The following IGDCC4 variants were observed in gnomAD, a reference collection of about 807,000 sequenced individuals.
IGDCC4 encodes the protein immunoglobulin superfamily DCC subclass member 4, also known as likely ortholog of mouse neighbor of Punc E11.
A neutral mutation model predicts 116.6 loss-of-function variants in IGDCC4; 72 were observed. The ratio of observed to expected loss-of-function variants is 0.62; its 90% CI spans 0.51 to 0.75. The LOEUF (loss-of-function observed/expected upper bound fraction) is 0.75, where lower values mean the gene tolerates loss of function less well. IGDCC4 is among the 30% of genes least tolerant of loss of function. IGDCC4 has a pLI of 0.00. For missense variants in IGDCC4, 1,501 were observed against 1,662.4 expected (o/e 0.90, Z 1.69); for synonymous variants, 709 against 719.9 (o/e 0.98, Z 0.24).
In IGDCC4 at chr15:65,400,928, C is replaced by T; in HGVS notation, c.719G>A (p.Arg240Lys). Residue 240 changes from arginine (R) to lysine (K), a missense_variant, in exon 5 of 20, where the codon AGG (arginine) becomes AAG (lysine). Coordinates refer to ENST00000352385, the MANE Select transcript of IGDCC4 (RefSeq NM_020962.3). Reference protein sequence around the residue: ...VAHRGSLASTRGQDVVIVAAP... With the variant: ...VAHRGSLASTKGQDVVIVAAP... ...TGCCACAATGACCACGTCCTGCCCC[C>T]TGGTGGACGCCAGGGACCCTGGCGA... 6.2e-7 allele frequency: 1 copy of T among 1,614,158 alleles called. No individual in the cohort carries two copies. The highest frequency in any genetic ancestry group is 8.5e-7 in the Non-Finnish European group (1 of 1,180,028).
intron 3 of IGDCC4, among the ~76,000 whole-genome samples, chr15:65,409,214 T>G (rs1168556400): frequency 6.6e-6 from 1 of 152,032 alleles, no homozygotes; most frequent in Non-Finnish European, 1.5e-5. Context: ...AAGTTTCTCC[T>G]ACAACCCCCA....
chr15:65,398,688 G>T (rs961528529), intron 5 of IGDCC4, among the ~76,000 whole-genome samples: 2 of 152,044 alleles, frequency 1.3e-5, no homozygotes, highest in Non-Finnish European at 2.9e-5. Flanking sequence ...TCAGGAGATG[G>T]AGACCATCCT....
At chr15:65,408,545 A>T (rs1406768510) in intron 3 of IGDCC4, among the ~76,000 whole-genome samples, 1 of 152,230 alleles carries the variant, frequency 6.6e-6, no homozygotes, top group Non-Finnish European at 1.5e-5. Context: ...GCTTCGTTAA[A>T]CAAGGTCAAC....
chr15:65,388,360 G>A, intron 16 of IGDCC4, 89 bp downstream of exon 16: 1 of 1,560,754 alleles, frequency 6.4e-7, no homozygotes. Context: ...CTGGAGGACA[G>A]CTGTGCAAAA....
At chr15:65,415,441 C>G (rs1388968344) in intron 1 of IGDCC4, among the ~76,000 whole-genome samples, 1 of 152,182 alleles carries the variant, frequency 6.6e-6, no homozygotes, top group Non-Finnish European at 1.5e-5. Context: ...ATTCATGGAT[C>G]AGCAGATGTC....
chr15:65,410,695 CT>C (rs2063082802), intron 2 of IGDCC4: 1 of 470,570 alleles, frequency 2.1e-6, no homozygotes, highest in Non-Finnish European at 3.8e-6. Context: ...CAGGAGCTCC[CT>C]TAGGAGGCAG....
intron 1 of IGDCC4, among the ~76,000 whole-genome samples, chr15:65,421,953 C>T (rs922853736): frequency 2.0e-5 from 3 of 152,112 alleles, no homozygotes; most frequent in Non-Finnish European, 4.4e-5. Flanking sequence ...TACCCCGTAC[C>T]CACTCCGCAC....
intron 12 of IGDCC4, 123 bp from the exon 13 acceptor site, chr15:65,390,461 G>T: frequency 2.8e-6 from 2 of 722,484 alleles, no homozygotes; most frequent in Non-Finnish European, 4.1e-6. Flanking sequence ...TGAGTTGAGT[G>T]GCATCATTCC....
chr15:65,422,405 C>A (rs1270614185), intron 1 of IGDCC4, among the ~76,000 whole-genome samples: 4 of 151,986 alleles, frequency 2.6e-5, no homozygotes, highest in Non-Finnish European at 5.9e-5. Context: ...ACCCAAGACA[C>A]GCGCAGGCAA....
rs1413356680 is a variant in IGDCC4 at position 65,393,457 on chromosome 15, A to G, written c.1789T>C (p.Tyr597His). The G allele has an allele frequency of 6.2e-7, 1 of 1,613,642 alleles. No individual in the cohort carries two copies. Among genetic ancestry groups the G allele is most frequent in the Non-Finnish European group, 8.5e-7 (1 of 1,179,762 alleles). The change falls in exon 10 of 20, where the codon TAT (tyrosine) becomes CAT (histidine). Residue 597 changes from tyrosine to histidine, a missense_variant. Tyr to His is a moderately conservative substitution (Grantham distance 83). Around this residue, in one of 3 missense-constraint regions of IGDCC4, gnomAD observed 898 missense variants for 978.9 expected, o/e 0.92. Coordinates refer to ENST00000352385, the MANE Select transcript of IGDCC4 (RefSeq NM_020962.3). This position sits in a 1 kb window ranked among gnomAD's most constrained non-coding sequence, Gnocchi z 4.6. ...GTACCAGCCGAAATCCGTACTCGATACACCTTGTTTGGCTGAAGCGAGTTC... is the reference window on the plus strand; with the variant it reads ...GTACCAGCCGAAATCCGTACTCGATGCACCTTGTTTGGCTGAAGCGAGTTC... The part of the protein sequence containing the change: ...MLNSLQPNKV[Y>H]RVRISAGTAA...
rs1452469732 is a variant in IGDCC4, at chr15:65,382,016, A to G, written c.*1993T>C. 6.6e-6 allele frequency: 1 copy of G among 152,602 alleles called. No individual in the cohort carries two copies. Among genetic ancestry groups the G allele is most frequent in the East Asian group, 1.9e-4 (1 of 5,204 alleles). 9.5% of individuals were successfully genotyped at this position (152,602 alleles called of 1,614,324 possible). Reference sequence around the variant, plus strand: ...CAGTGCCTGTTAAACAAGAACATGAAAAATGACTATGTGGTATAATGCTAA... The same window carrying G: ...CAGTGCCTGTTAAACAAGAACATGAGAAATGACTATGTGGTATAATGCTAA... On this transcript the variant is annotated 3_prime_UTR_variant, in exon 20 of 20. Coordinates refer to ENST00000352385, the MANE Select transcript of IGDCC4 (RefSeq NM_020962.3).
At chr15:65,402,833 C>T (rs768811208) in intron 3 of IGDCC4, among the ~76,000 whole-genome samples, 5 of 152,180 alleles carry the variant, frequency 3.3e-5, no homozygotes, top group South Asian at 4.1e-4. Flanking sequence ...CACCATTGCA[C>T]TCCAGCCTGG....
At chr15:65,416,384 G>A (rs1471261185) in intron 1 of IGDCC4, among the ~76,000 whole-genome samples, 10 of 152,110 alleles carry the variant, frequency 6.6e-5, no homozygotes, top group African/African-American at 1.2e-4. Flanking sequence ...TGATCCGCCC[G>A]CCTCGGCCTT....
rs762010264 is a variant in IGDCC4 at position 65,394,444 on chromosome 15, T to A, written c.1681A>T (p.Lys561Ter). 1 of 1,614,092 alleles carries A rather than the reference T, an allele frequency of 6.2e-7. No individual in the cohort carries two copies. The highest frequency in any genetic ancestry group is 1.1e-5 in the South Asian group (1 of 91,082). ...PPSLSNGQVV[K>*]YKIEYGLGKE... ...CCCAAACCGTATTCTATCTTGTACT[T>A]CACCACCTGCCCATTGCTCAGGCTG... The change falls in exon 9 of 20, where the codon AAG (lysine) becomes TAG (stop). Residue 561 changes from lysine (K) to a stop codon, truncating the protein, a stop_gained. Transcript: ENST00000352385. LOFTEE classifies it high-confidence loss of function.
At chr15:65,419,821 C>A (rs534577142) in intron 1 of IGDCC4, among the ~76,000 whole-genome samples, 2 of 152,192 alleles carry the variant, frequency 1.3e-5, no homozygotes, top group Admixed American at 1.3e-4. Context: ...CTCGGCTTCT[C>A]GCCACCTGTT....
chr15:65,405,765 T>G (rs759309741), intron 3 of IGDCC4, among the ~76,000 whole-genome samples: 2 of 152,224 alleles, frequency 1.3e-5, no homozygotes, highest in Non-Finnish European at 2.9e-5. Flanking sequence ...CTCTACCATT[T>G]TAAGAGAAAT....
chr15:65,392,232 T>G lies in IGDCC4; in HGVS notation c.2024A>C (p.Asn675Thr). The change falls in exon 11 of 20, where the codon AAT becomes ACT. Residue 675 changes from asparagine to threonine, a missense_variant. Transcript: ENST00000352385. ...WREVGAEEEA[N>T]GDRLPGGRGD... ...ACGGCCCCCTGGCAGGCGATCGCCA[T>G]TGGCCTCCTCCTCAGCCCCCACCTC... 6.2e-7 allele frequency: 1 copy of G among 1,613,824 alleles called. No homozygotes were observed. Among genetic ancestry groups the G allele is most frequent in the Non-Finnish European group, 8.5e-7 (1 of 1,179,898 alleles).
At chr15:65,416,592 A>AC (rs1225611871) in intron 1 of IGDCC4, among the ~76,000 whole-genome samples, 1 of 151,586 alleles carries the variant, frequency 6.6e-6, no homozygotes, top group Non-Finnish European at 1.5e-5. Flanking sequence ...CTTACTTGCC[A>AC]CCCCCAGCCC....
chr15:65,396,923 T>C lies in IGDCC4; in HGVS notation c.908A>G (p.Gln303Arg). 1 of 1,574,768 alleles carries C rather than the reference T, an allele frequency of 6.4e-7. No individual in the cohort carries two copies. The highest frequency in any genetic ancestry group is 8.6e-7 in the Non-Finnish European group (1 of 1,159,738). The change falls in exon 6 of 20, where the codon CAG (glutamine) becomes CGG (arginine). Residue 303 changes from glutamine (Q) to arginine (R), a missense_variant. Physicochemically the swap from Gln to Arg is conservative, Grantham distance 43. Transcript: ENST00000352385. ...GACATAGACGCCGGAGTGCCAGGGC[T>C]GCGCGTTGGCAATTAGTAGGTTGGT... ...GRTNLLIANA[Q>R]PWHSGVYVCR... is the part of the protein sequence containing the mutation.
Sources: gnomAD v4.1 joint callset for allele counts (sites outside exome capture counted in the v4.1 genomes callset) on GRCh38, gnomAD v4.1.1 for gene constraint, gnomAD v4.1.1 regional missense constraint, Gnocchi (gnomAD v3.1) non-coding constraint, MANE v1.5 for transcripts, NCBI Gene and HGNC (gene_info 2026-07-23, HGNC 2026-07-21) for gene names.